The following CALN1 variants were observed in gnomAD, a reference collection of about 807,000 sequenced individuals.
CALN1 encodes calneuron 1.
Under a neutral mutation model 30.6 loss-of-function variants are expected in CALN1, and 17 were observed. The observed-to-expected ratio is 0.56, with a 90% confidence interval of 0.38 to 0.83. The LOEUF (loss-of-function observed/expected upper bound fraction) is 0.83, where lower values mean the gene tolerates loss of function less well. Ranked by LOEUF, CALN1 falls within the 40% of genes least tolerant of loss-of-function variation. CALN1 has a pLI of 0.00. For missense variants in CALN1, 291 were observed against 354.9 expected, an observed-to-expected ratio of 0.82 and a Z score of 1.45; for synonymous variants, 156 against 131.4, an observed-to-expected ratio of 1.19 and a Z score of -1.28.
rs117309597 is a variant in CALN1 at position 72,211,324 on chromosome 7, C to T, written c.244+67362G>A. ...ACACACCACTGCTTTTGCTGTAACT[C>T]TTCCTTCTGCCTAAAACACTTTTCC... is the stretch of plus-strand genomic sequence containing the variant. On this transcript the variant is annotated intron_variant, in intron 3 of 6. Coordinates refer to ENST00000395275, the MANE Select transcript of CALN1 (RefSeq NM_031468.4). Among the ~76,000 whole-genome samples the T allele has an allele frequency of 5.7e-3, 863 of 152,258 alleles. 9 individuals are homozygous for T. The highest frequency in any genetic ancestry group is 8.7e-3 in the Non-Finnish European group (593 of 68,012).
upstream of CALN1, among the ~76,000 whole-genome samples, chr7:72,448,534 A>G (rs531827505): frequency 8.6e-5 from 13 of 151,792 alleles, no homozygotes; most frequent in Non-Finnish European, 1.6e-4. Context: ...ACAATAGCTC[A>G]TTGCACTTGG....
intron 2 of CALN1, among the ~76,000 whole-genome samples, chr7:72,299,934 G>C (rs1799141519): frequency 6.6e-6 from 1 of 151,918 alleles, no homozygotes; most frequent in Non-Finnish European, 1.5e-5. Context: ...GTCTTGCTCT[G>C]TCACCCAGGC....
intron 3 of CALN1, among the ~76,000 whole-genome samples, chr7:72,271,575 A>AAAAAAAAAAAAAATATATATATATAT: frequency 9.2e-4 from 48 of 52,094 alleles, no homozygotes; most frequent in African/African-American, 1.6e-3. Flanking sequence ...AAAAAAAAAA[A>AAAAAAAAAAAAAATATATATATATAT]ATATATATAT....
At chr7:72,216,767 G>A (rs1453202289) in intron 3 of CALN1, among the ~76,000 whole-genome samples, 1 of 152,064 alleles carries the variant, frequency 6.6e-6, no homozygotes, top group African/African-American at 2.4e-5. Flanking sequence ...TTTTTTGGTG[G>A]GGGAGACAGG....
chr7:72,287,292 T>C (rs1312309793), intron 2 of CALN1, among the ~76,000 whole-genome samples: 1 of 152,122 alleles, frequency 6.6e-6, no homozygotes, highest in African/African-American at 2.4e-5. Flanking sequence ...TGTAACTACA[T>C]AGAATATATT....
chr7:71,878,042 A>G lies in CALN1; in HGVS notation c.502-67550T>C, dbSNP rs186372001. On this transcript the variant is annotated intron_variant, in intron 5 of 6. Coordinates refer to ENST00000395275, the MANE Select transcript of CALN1 (RefSeq NM_031468.4). ...TGGAGCCCAAGATTTTGCATTTCTA[A>G]CAAGTTCCCAGGTGACGCTGATGGT... 9.1e-3 allele frequency among the ~76,000 whole-genome samples: 1,383 copies of G among 152,296 alleles called. 26 individuals carry two copies. The highest frequency in any genetic ancestry group is 0.031 in the African/African-American group (1,305 of 41,564).
At chr7:72,048,143 G>A (rs1802599036) in intron 4 of CALN1, among the ~76,000 whole-genome samples, 1 of 150,642 alleles carries the variant, frequency 6.6e-6, no homozygotes, top group Non-Finnish European at 1.5e-5. Flanking sequence ...AGGTTCAAGC[G>A]ATTCCCCTGC....
rs374619605 is a variant in CALN1, at chr7:72,233,543, C to T, written c.244+45143G>A. On this transcript the variant is annotated intron_variant, in intron 3 of 6. Transcript: ENST00000395275. The stretch of plus-strand genomic sequence containing the variant: ...CCAGCATCGGCAACATAGTGAGACC[C>T]CATTTCTACAAAAAAAAACAGAAAC... Among the ~76,000 whole-genome samples the T allele has an allele frequency of 9.7e-4, 148 of 151,950 alleles. 1 individual carries two copies. The highest frequency in any genetic ancestry group is 6.8e-3 in the Middle Eastern group (2 of 294).
At chr7:71,794,832 T>C (rs1304894738) in intron 6 of CALN1, among the ~76,000 whole-genome samples, 2 of 151,812 alleles carry the variant, frequency 1.3e-5, no homozygotes, top group Non-Finnish European at 2.9e-5. Context: ...CACCTTTCCC[T>C]TCCTGCAAAG....
intron 4 of CALN1, among the ~76,000 whole-genome samples, chr7:72,104,795 A>G (rs921083370): frequency 1.3e-5 from 2 of 152,070 alleles, no homozygotes; most frequent in African/African-American, 2.4e-5. Context: ...CGTCTCTACT[A>G]AAAACACAAA....
At chr7:71,864,643 G>A (rs942785489) in intron 5 of CALN1, among the ~76,000 whole-genome samples, 1 of 152,166 alleles carries the variant, frequency 6.6e-6, no homozygotes, top group African/African-American at 2.4e-5. Context: ...CGGAGACTGA[G>A]AGATGATATA....
At chr7:71,904,258 T>C (rs1404574724) in intron 5 of CALN1, among the ~76,000 whole-genome samples, 1 of 152,210 alleles carries the variant, frequency 6.6e-6, no homozygotes, top group Non-Finnish European at 1.5e-5. Flanking sequence ...CCCTTGTTTG[T>C]TACAGCAGTA....
In CALN1 at chr7:71,832,250, G is replaced by C. The variant is rs185251412; in HGVS notation, c.502-21758C>G. 2.0e-3 allele frequency among the ~76,000 whole-genome samples: 300 copies of C among 152,236 alleles called. 1 individual carries two copies. Among genetic ancestry groups the C allele is most frequent in the Non-Finnish European group, 4.9e-4 (33 of 68,024 alleles). On this transcript the variant is annotated intron_variant, in intron 5 of 6. Transcript: ENST00000395275. ...GGATGAGATGTCACTGCTATGACTT[G>C]TCTCGTTCTGGACAGTTCCTTTTAC...
intron 5 of CALN1, among the ~76,000 whole-genome samples, chr7:71,875,588 C>A (rs1185103176): frequency 2.0e-5 from 3 of 152,116 alleles, no homozygotes; most frequent in Non-Finnish European, 4.4e-5. Context: ...CCCTAGGACC[C>A]TGATACTGGG....
At chr7:72,274,203 T>A (rs930506949) in intron 3 of CALN1, among the ~76,000 whole-genome samples, 1 of 152,090 alleles carries the variant, frequency 6.6e-6, no homozygotes, top group Non-Finnish European at 1.5e-5. Context: ...TGAATTTAGT[T>A]TAAGATTAAG....
At chr7:72,128,353 T>C (rs1808911565) in intron 3 of CALN1, among the ~76,000 whole-genome samples, 1 of 151,980 alleles carries the variant, frequency 6.6e-6, no homozygotes, top group African/African-American at 2.4e-5. Context: ...ATCCAAAAAA[T>C]AACGTGGGGA....
Position 72,243,458 on chromosome 7 carries a change from T to C in CALN1, c.244+35228A>G, listed in dbSNP as rs561937402. Among the ~76,000 whole-genome samples, 6 of 152,324 alleles carry C rather than the reference T, an allele frequency of 3.9e-5. No homozygotes were observed. The South Asian group carries it at 8.3e-4, about 21-fold the overall frequency. ...CAACTGTCTAACGTTTGTTTGTTTT[T>C]TAAATCAGTGAGCTTCTTTCGGTGC... On this transcript the variant is annotated intron_variant, in intron 3 of 6. Coordinates refer to ENST00000395275, the MANE Select transcript of CALN1 (RefSeq NM_031468.4).
At chr7:72,164,892 G>A (rs953297579) in intron 3 of CALN1, among the ~76,000 whole-genome samples, 4 of 151,986 alleles carry the variant, frequency 2.6e-5, no homozygotes, top group African/African-American at 9.7e-5. Context: ...ACAGGGTCTC[G>A]CTATGTTGCC....
At chr7:71,816,350 C>A (rs574055876) in intron 5 of CALN1, among the ~76,000 whole-genome samples, 1 of 152,050 alleles carries the variant, frequency 6.6e-6, no homozygotes, top group East Asian at 1.9e-4. Context: ...CTCATGGGAC[C>A]CTGTCTCTTT....
Sources: allele counts gnomAD v4.1 joint callset (sites outside exome capture counted in the v4.1 genomes callset), GRCh38; gene constraint gnomAD v4.1.1; transcripts MANE v1.5; gene names NCBI Gene and HGNC (gene_info 2026-07-23, HGNC 2026-07-21).